Variants in ITSN1 observed in about 807,000 individuals in gnomAD.
ITSN1 encodes the protein intersectin 1.
ITSN1 carries 58 observed loss-of-function variants against 239.8 expected under a neutral mutation model. The observed-to-expected ratio is 0.24, with a 90% CI of 0.20 to 0.30. The LOEUF is 0.30. ITSN1 is among the 10% of genes least tolerant of loss of function. ITSN1 has a pLI of 1.00. For synonymous variants in ITSN1, 780 were observed against 770.8 expected (o/e 1.01, Z -0.20); for missense variants, 1,558 against 2,103.3 (o/e 0.74, Z 5.07).
chr21:33,706,267 C>T (rs147120398), intron 1 of ITSN1, among the ~76,000 whole-genome samples: 160 of 152,292 alleles, frequency 1.1e-3, no homozygotes, highest in African/African-American at 3.5e-3. Context: ...GATCTGCCCA[C>T]CTCAGCCTCC....
intron 4 of ITSN1, among the ~76,000 whole-genome samples, chr21:33,722,898 TG>T (rs1349504354): frequency 2.0e-5 from 3 of 152,248 alleles, no homozygotes; most frequent in African/African-American, 7.2e-5. Flanking sequence ...TGAATTTCCA[TG>T]GAGACATCTA....
chr21:33,680,483 C>T (rs2090882616), intron 1 of ITSN1, among the ~76,000 whole-genome samples: 1 of 152,060 alleles, frequency 6.6e-6, no homozygotes, highest in African/African-American at 2.4e-5. Context: ...AGGCATGCAC[C>T]ACCACACCCG....
intron 27 of ITSN1, among the ~76,000 whole-genome samples, chr21:33,832,116 G>A (rs2834271): frequency 0.97 from 147,550 of 152,222 alleles, 71,516 homozygotes; most frequent in East Asian, 1. Context: ...CTGAGCAATG[G>A]CGTCTCCACT....
intron 29 of ITSN1, chr21:33,837,004 T>C (rs1295411715): frequency 1.2e-6 from 2 of 1,611,618 alleles, no homozygotes. Flanking sequence ...ATGTTGTCCA[T>C]CCCCCCCTCA....
intron 38 of ITSN1, among the ~76,000 whole-genome samples, chr21:33,886,067 G>A (rs1985744888): frequency 6.6e-6 from 1 of 152,022 alleles, no homozygotes; most frequent in African/African-American, 2.4e-5. Flanking sequence ...AATTAGCCAG[G>A]CATGGGGGCA....
chr21:33,740,731 C>T (rs1052978740), intron 5 of ITSN1, among the ~76,000 whole-genome samples: 2 of 152,074 alleles, frequency 1.3e-5, no homozygotes, highest in Admixed American at 6.5e-5. Flanking sequence ...AAAAGGTAGT[C>T]AGTTGTCAAA....
At chr21:33,759,971 C>T (rs371740837) in intron 8 of ITSN1, among the ~76,000 whole-genome samples, 11 of 152,008 alleles carry the variant, frequency 7.2e-5, no homozygotes, top group East Asian at 3.9e-4. Context: ...GGTGTGGTGG[C>T]GCATGCCTGT....
chr21:33,787,454 C>T (rs1172729126), intron 16 of ITSN1, among the ~76,000 whole-genome samples: 1 of 152,108 alleles, frequency 6.6e-6, no homozygotes, highest in Non-Finnish European at 1.5e-5. Context: ...ATAAATTCTC[C>T]CCATAATGCT....
In ITSN1 at chr21:33,865,263, C is replaced by T. The variant is rs201465943; in HGVS notation, c.4003C>T (p.Arg1335Cys). 28 of 1,609,174 alleles carry T rather than the reference C, an allele frequency of 1.7e-5. No homozygotes were observed. The highest frequency in any genetic ancestry group is 7.8e-5 in the South Asian group (7 of 89,868). ...HMQPYIRFCS[R>C]QLNGAALIQQ... The stretch of plus-strand genomic sequence containing the variant: ...GCAGCCCTACATCCGCTTCTGCAGC[C>T]GCCAGCTCAACGGGGCTGCCCTGAT... Residue 1335 changes from arginine (R) to cysteine (C), a missense_variant, in exon 32 of 40, where the codon CGC (arginine) becomes TGC (cysteine). By Grantham distance (180) the Arg-to-Cys change is radical. Coordinates refer to ENST00000381318, the MANE Select transcript of ITSN1 (RefSeq NM_003024.3). The surrounding 1 kb of genome is among the most constrained non-coding windows in gnomAD (Gnocchi z 4.4).
intron 9 of ITSN1, among the ~76,000 whole-genome samples, chr21:33,763,752 G>A (rs1555905188): frequency 6.6e-6 from 1 of 152,058 alleles, no homozygotes; most frequent in Non-Finnish European, 1.5e-5. Flanking sequence ...CATTGCCTGG[G>A]TCCTACAGGC....
rs145942987 is a variant in ITSN1, at chr21:33,836,475, G to A, written c.3504G>A (p.Ala1168=). ...TGATTGGGATGTACGACTACACCGC[G>A]CAGAATGACGATGAGCTGGCCTTCA... is the stretch of plus-strand genomic sequence containing the variant. ...CQVIGMYDYT[A]QNDDELAFNK... is the part of the protein sequence containing the mutation. Residue 1168 remains alanine (A), a synonymous_variant, in exon 29 of 40, where the codon GCG becomes GCA. Transcript: ENST00000381318. The A allele has an allele frequency of 1.5e-5, 25 of 1,613,442 alleles. No individual in the cohort carries two copies. The highest frequency in any genetic ancestry group is 7.7e-5 in the South Asian group (7 of 90,980).
At chr21:33,747,210 G>A (rs1355177571) in intron 5 of ITSN1, among the ~76,000 whole-genome samples, 2 of 152,130 alleles carry the variant, frequency 1.3e-5, no homozygotes, top group African/African-American at 2.4e-5. Context: ...TTACCACAGG[G>A]TCTTAATAGC....
intron 14 of ITSN1, among the ~76,000 whole-genome samples, chr21:33,777,425 T>G (rs78872931): frequency 0.023 from 3,437 of 152,308 alleles, 135 homozygotes; most frequent in African/African-American, 0.079. Context: ...TTTTTGGTTA[T>G]TCCAGGTCCT....
intron 16 of ITSN1, among the ~76,000 whole-genome samples, chr21:33,794,100 G>A (rs2071354195): frequency 6.6e-6 from 1 of 152,236 alleles, no homozygotes; most frequent in Non-Finnish European, 1.5e-5. Context: ...TTCTTCTAGA[G>A]CAGATCATGG....
chr21:33,766,332 G>C (rs2068717329), intron 10 of ITSN1, among the ~76,000 whole-genome samples: 1 of 152,204 alleles, frequency 6.6e-6, no homozygotes, highest in Non-Finnish European at 1.5e-5. Context: ...CCTATGCATA[G>C]AGAAGAAACC....
chr21:33,685,681 T>C (rs994945049), intron 1 of ITSN1, among the ~76,000 whole-genome samples: 1 of 151,782 alleles, frequency 6.6e-6, no homozygotes. Flanking sequence ...ATTGGTTGAC[T>C]CATTCTTTGT....
intron 34 of ITSN1, among the ~76,000 whole-genome samples, chr21:33,875,960 A>G (rs2148533171): frequency 1.3e-5 from 2 of 152,254 alleles, no homozygotes; most frequent in South Asian, 4.2e-4. Context: ...GATTACAGGC[A>G]TGAGCCACCG....
Position 33,767,721 on chromosome 21 carries a change from G to T in ITSN1, c.935G>T (p.Arg312Leu). The change falls in exon 11 of 40, where the codon CGA (arginine) becomes CTA (leucine). Residue 312 changes from arginine to leucine, a missense_variant. Around this residue, in one of 2 missense-constraint regions of ITSN1, gnomAD observed 982 missense variants for 1,209.9 expected, o/e 0.81. Coordinates refer to ENST00000381318, the MANE Select transcript of ITSN1 (RefSeq NM_003024.3). The part of the protein sequence containing the change: ...EYIPPSFRRV[R>L]SGSGISVISS... ...TTTCCCCGCAATTGCAGAAGAGTTC[G>T]ATCTGGCAGTGGTATATCTGTCATA... 6.2e-7 allele frequency: 1 copy of T among 1,600,308 alleles called. No individual in the cohort carries two copies. Among genetic ancestry groups the T allele is most frequent in the Non-Finnish European group, 8.5e-7 (1 of 1,171,184 alleles).
rs543236311 is a variant in ITSN1 at position 33,752,142 on chromosome 21, A to AT, written c.623+249dup. Among the ~76,000 whole-genome samples the AT allele has an allele frequency of 8.0e-3, 1,157 of 144,246 alleles. 17 individuals carry two copies. The highest frequency in any genetic ancestry group is 0.027 in the African/African-American group (1,050 of 39,596). 94.6% of individuals were successfully genotyped at this position (144,246 alleles called of 152,430 possible). On this transcript the variant is annotated intron_variant, in intron 7 of 39. Coordinates refer to ENST00000381318, the MANE Select transcript of ITSN1 (RefSeq NM_003024.3). ...TAACATTTCCTTAAAGGCTTTGTGT[A>AT]TTTTTTTTTTTTTAAAGAGGATAAC...
Sources: gnomAD v4.1 joint callset for allele counts (sites outside exome capture counted in the v4.1 genomes callset) on GRCh38, gnomAD v4.1.1 for gene constraint, gnomAD v4.1.1 regional missense constraint, Gnocchi (gnomAD v3.1) non-coding constraint, MANE v1.5 for transcripts, NCBI Gene and HGNC (gene_info 2026-07-23, HGNC 2026-07-21) for gene names.